TMEM117: variants seen among roughly 807,000 people sequenced by gnomAD.
The protein encoded by TMEM117 is transmembrane protein 117.
Under a neutral mutation model 52.4 loss-of-function variants are expected in TMEM117, and 27 were observed. That is an observed-to-expected ratio of 0.51 (90% confidence interval 0.38 to 0.71). TMEM117 has a LOEUF of 0.71. TMEM117 is among the 30% of genes least tolerant of loss of function. TMEM117 has a pLI of 0.00. For missense variants in TMEM117, 556 were observed against 630.5 expected (o/e 0.88, Z 1.26); for synonymous variants, 215 against 206.3 (o/e 1.04, Z -0.36).
intron 3 of TMEM117, among the ~76,000 whole-genome samples, chr12:44,056,782 G>A (rs965900577): frequency 2.0e-5 from 3 of 152,056 alleles, no homozygotes; most frequent in Non-Finnish European, 4.4e-5. Flanking sequence ...GTCTTTCTCT[G>A]TGTATAACAT....
intron 4 of TMEM117, among the ~76,000 whole-genome samples, chr12:44,162,088 T>G (rs1948905906): frequency 6.6e-6 from 1 of 152,202 alleles, no homozygotes; most frequent in African/African-American, 2.4e-5. Flanking sequence ...AGATGCCGTA[T>G]GGAGCTCCAG....
intron 2 of TMEM117, among the ~76,000 whole-genome samples, chr12:43,892,106 A>G (rs1944116895): frequency 6.6e-6 from 1 of 152,306 alleles, no homozygotes; most frequent in African/African-American, 2.4e-5. Context: ...CATGAGGAGA[A>G]TTCACAGGCC....
rs868340767 is a variant in TMEM117, at chr12:43,989,682, T to A, written c.410+45340T>A. On this transcript the variant is annotated intron_variant, in intron 3 of 7. Transcript: ENST00000266534. ...ATGCTGTACTTAGCTGTTTAAGCCTTATGAGAATGTCATAGCTCTTGTTAG... is the reference window on the plus strand; with the variant it reads ...ATGCTGTACTTAGCTGTTTAAGCCTAATGAGAATGTCATAGCTCTTGTTAG... Among the ~76,000 whole-genome samples the A allele has an allele frequency of 4.6e-5, 7 of 152,218 alleles. No individual in the cohort carries two copies. In the South Asian group the frequency reaches 1.4e-3, roughly 32 times the overall value.
At chr12:43,931,856 G>A (rs1944876274) in intron 2 of TMEM117, among the ~76,000 whole-genome samples, 1 of 152,180 alleles carries the variant, frequency 6.6e-6, no homozygotes. Flanking sequence ...ATTCTTTGAA[G>A]GGTCCTGATT....
intron 5 of TMEM117, among the ~76,000 whole-genome samples, chr12:44,244,758 A>G (rs946129495): frequency 5.3e-5 from 8 of 151,922 alleles, no homozygotes; most frequent in Non-Finnish European, 1.2e-4. Flanking sequence ...TATACAAAAA[A>G]TCATTGCCCA....
chr12:44,058,789 T>C (rs1311447699), intron 3 of TMEM117, among the ~76,000 whole-genome samples: 1 of 152,240 alleles, frequency 6.6e-6, no homozygotes, highest in Non-Finnish European at 1.5e-5. Context: ...TTCACTCTGT[T>C]GTCAAAGTAC....
chr12:43,911,776 T>G (rs1242397820), intron 2 of TMEM117, among the ~76,000 whole-genome samples: 4 of 149,338 alleles, frequency 2.7e-5, no homozygotes, highest in African/African-American at 9.8e-5. Flanking sequence ...TCAGAGAAAT[T>G]CAAATCAAAA....
intron 3 of TMEM117, among the ~76,000 whole-genome samples, chr12:43,975,717 A>G (rs1945660876): frequency 6.6e-6 from 1 of 152,244 alleles, no homozygotes; most frequent in African/African-American, 2.4e-5. Flanking sequence ...TCTGTTTAAA[A>G]TAAACTTTTA....
chr12:44,126,065 T>C (rs1948319785), intron 3 of TMEM117, among the ~76,000 whole-genome samples: 1 of 152,222 alleles, frequency 6.6e-6, no homozygotes. Flanking sequence ...GATTGCACTG[T>C]AGTCTGAGAG....
chr12:44,120,179 A>G (rs1948210294), intron 3 of TMEM117, among the ~76,000 whole-genome samples: 1 of 152,084 alleles, frequency 6.6e-6, no homozygotes, highest in Admixed American at 6.5e-5. Context: ...AAAGGGGATG[A>G]TTTAGCTAAG....
intron 5 of TMEM117, among the ~76,000 whole-genome samples, chr12:44,230,377 G>T (rs774108169): frequency 6.6e-6 from 1 of 151,836 alleles, no homozygotes; most frequent in South Asian, 2.1e-4. Context: ...CTCTGAAATG[G>T]CAATGTCATT....
At chr12:44,188,747 G>A (rs1446679948) in intron 4 of TMEM117, among the ~76,000 whole-genome samples, 1 of 151,810 alleles carries the variant, frequency 6.6e-6, no homozygotes, top group African/African-American at 2.4e-5. Context: ...GTCTTAGCAG[G>A]CTTAATTCTT....
Position 44,041,329 on chromosome 12 carries a change from T to C in TMEM117, c.410+96987T>C, listed in dbSNP as rs151254053. Among the ~76,000 whole-genome samples, 221 of 149,128 alleles carry C rather than the reference T, an allele frequency of 1.5e-3. 4 individuals are homozygous for C. The East Asian group carries it at 0.036, about 24-fold the overall frequency. ...CTCAGTATTCTTGAGCTACATTAAT[T>C]ATTTACAAAAATTAACCATTTAGCA... is the stretch of plus-strand genomic sequence containing the variant. On this transcript the variant is annotated intron_variant, in intron 3 of 7. Coordinates refer to ENST00000266534, the MANE Select transcript of TMEM117 (RefSeq NM_032256.3).
intron 6 of TMEM117, among the ~76,000 whole-genome samples, chr12:44,373,771 CTTTTTTTTTTT>C (rs142046499): frequency 3.3e-5 from 2 of 60,078 alleles, no homozygotes; most frequent in South Asian, 1.1e-3. Context: ...TGTCCATTTC[CTTTTTTTTTTT>C]TTTTTTTTTT....
intron 5 of TMEM117, among the ~76,000 whole-genome samples, chr12:44,238,556 A>G (rs1171884121): frequency 6.6e-6 from 1 of 151,900 alleles, no homozygotes; most frequent in Non-Finnish European, 1.5e-5. Flanking sequence ...ATGGCTTGAA[A>G]CCAGGAGTTC....
At chr12:44,376,761 G>C in intron 7 of TMEM117, 37 bp downstream of exon 7, 1 of 1,563,124 alleles carries the variant, frequency 6.4e-7, no homozygotes, top group Non-Finnish European at 8.6e-7. Flanking sequence ...GATTATCTTC[G>C]TACATTAGTT....
At chr12:44,075,543 T>C (rs1947368695) in intron 3 of TMEM117, among the ~76,000 whole-genome samples, 1 of 152,208 alleles carries the variant, frequency 6.6e-6, no homozygotes, top group African/African-American at 2.4e-5. Context: ...TAGCCTTAGA[T>C]TTTTTACTTG....
chr12:44,140,910 G>A (rs1019680315), intron 3 of TMEM117, among the ~76,000 whole-genome samples: 4 of 152,094 alleles, frequency 2.6e-5, no homozygotes, highest in African/African-American at 7.2e-5. Flanking sequence ...AGTTCAGAAA[G>A]GTTTGGCAAG....
intron 2 of TMEM117, among the ~76,000 whole-genome samples, chr12:43,891,521 C>A (rs1310702504): frequency 1.3e-5 from 2 of 151,668 alleles, no homozygotes; most frequent in Admixed American, 1.3e-4. Flanking sequence ...TACAGGCACC[C>A]ACCACCATGC....
Sources: gnomAD v4.1 joint callset for allele counts (sites outside exome capture counted in the v4.1 genomes callset) on GRCh38, gnomAD v4.1.1 for gene constraint, MANE v1.5 for transcripts, NCBI Gene and HGNC (gene_info 2026-07-23, HGNC 2026-07-21) for gene names.